ARAP3: variants seen among roughly 807,000 people sequenced by gnomAD.
ARAP3 encodes ArfGAP with RhoGAP domain, ankyrin repeat and PH domain 3.
In ARAP3, 82 loss-of-function variants were observed where a neutral mutation model predicts 169.2. That is an observed-to-expected ratio of 0.48 (90% CI 0.41 to 0.58). ARAP3 has a LOEUF of 0.58. Among genes scored for constraint, ARAP3 ranks in the 20% least tolerant of loss-of-function variants. ARAP3 has a pLI of 0.00. For missense variants in ARAP3, 1,764 were observed against 2,018.0 expected (o/e 0.87, Z 2.41); for synonymous variants, 791 against 800.3 (o/e 0.99, Z 0.20).
In ARAP3 at chr5:141,656,767, G is replaced by T; in HGVS notation, c.3606C>A (p.Ser1202=). The change falls in exon 26 of 33, where the codon TCC becomes TCA. Residue 1202 remains serine (S), a synonymous_variant. Coordinates refer to ENST00000239440, the MANE Select transcript of ARAP3 (RefSeq NM_022481.6). The part of the protein sequence containing the change: ...WCQLPEPCSA[S]LLLKKVPLAQ... ...CCAGGGGGACTTTTTTCAAGAGCAG[G>T]GAAGCTGAGCAGGGCTCTGGGAGCT... The T allele has an allele frequency of 6.2e-7, 1 of 1,612,168 alleles. No individual in the cohort carries two copies. Among genetic ancestry groups the T allele is most frequent in the Non-Finnish European group, 8.5e-7 (1 of 1,179,136 alleles).
chr5:141,659,440 C>A lies in ARAP3; in HGVS notation c.3304G>T (p.Val1102Phe). 1 of 1,614,228 alleles carries A rather than the reference C, an allele frequency of 6.2e-7. No individual in the cohort carries two copies. Among genetic ancestry groups the A allele is most frequent in the Non-Finnish European group, 8.5e-7 (1 of 1,180,044 alleles). ...TCCTTCCAGGTGGTGATAAGACTGA[C>A]CTCCAAGTCAATCTGAGCTACCTGG... ...SDQVAQIDLE[V>F]SLITTWKDVQ... is the part of the protein sequence containing the mutation. The change falls in exon 23 of 33, where the codon GTC becomes TTC. Residue 1102 changes from valine to phenylalanine, a missense_variant. By Grantham distance (50) the Val-to-Phe change is conservative (BLOSUM62 -1). Coordinates refer to ENST00000239440, the MANE Select transcript of ARAP3 (RefSeq NM_022481.6).
At chr5:141,668,029 C>G (rs888128305) in intron 16 of ARAP3, among the ~76,000 whole-genome samples, 2 of 151,558 alleles carry the variant, frequency 1.3e-5, no homozygotes, top group African/African-American at 4.8e-5. Flanking sequence ...GAGACAAGAG[C>G]GAAACTCCAT....
chr5:141,678,050 C>T (rs1470457271), intron 4 of ARAP3, among the ~76,000 whole-genome samples: 2 of 151,850 alleles, frequency 1.3e-5, no homozygotes, highest in Non-Finnish European at 2.9e-5. Context: ...CGGGTTCACG[C>T]CATTCTCTGC....
At chr5:141,667,565 C>T (rs961728255) in intron 16 of ARAP3, among the ~76,000 whole-genome samples, 6 of 151,024 alleles carry the variant, frequency 4.0e-5, no homozygotes, top group African/African-American at 1.5e-4. Context: ...TCCCGAGTAG[C>T]TGGGACTATA....
In ARAP3 at chr5:141,671,857, T is replaced by G. The variant is rs746343471; in HGVS notation, c.1671+38A>C. 7 of 1,613,960 alleles carry G rather than the reference T, an allele frequency of 4.3e-6. 1 individual carries two copies. In the South Asian group the frequency reaches 7.7e-5, roughly 18 times the overall value. On this transcript the variant is annotated intron_variant, in intron 11 of 32. Transcript: ENST00000239440. The surrounding 1 kb of genome is among the most constrained non-coding windows in gnomAD (Gnocchi z 4.9). ...CCAAGGCCTGCTTCTGGACGCTCCC[T>G]TCTACGCCTCCCACCTTCTCCCTCT... is the stretch of plus-strand genomic sequence containing the variant.
rs2099910028 is a variant in ARAP3 at position 141,661,914 on chromosome 5, C to T, written c.3014-125G>A. ...GTCTCTGCCCCCTTCCCACCTCCCC[C>T]TGAGCCAAGTCTCTGGATGATCCCC... On this transcript the variant is annotated intron_variant, in intron 20 of 32. Transcript: ENST00000239440. 5 of 1,498,450 alleles carry T rather than the reference C, an allele frequency of 3.3e-6. No individual in the cohort carries two copies. The East Asian group carries it at 1.1e-4, about 34-fold the overall frequency. The allele number at this position is 1,498,450 out of a possible 1,614,324, so 92.8% of individuals were successfully genotyped here.
Position 141,672,323 on chromosome 5 carries a change from C to T in ARAP3, c.1386-22G>A, listed in dbSNP as rs756482222. 2.0e-5 allele frequency: 32 copies of T among 1,613,526 alleles called. No homozygotes were observed. Among genetic ancestry groups the T allele is most frequent in the South Asian group, 1.1e-4 (10 of 91,040 alleles). On this transcript the variant is annotated intron_variant, in intron 9 of 32. Transcript: ENST00000239440. This position sits in a 1 kb window ranked among gnomAD's most constrained non-coding sequence, Gnocchi z 4.9. ...GAAGCTGAGGGGTGGACAGCCAGTC[C>T]ATGGGCATGGACCTACCTGCCATGT...
intron 19 of ARAP3, among the ~76,000 whole-genome samples, chr5:141,664,535 C>T (rs552560006): frequency 4.6e-5 from 7 of 152,294 alleles, no homozygotes; most frequent in East Asian, 3.9e-4. Context: ...GCTCTCACCT[C>T]GCAGCTGCTC....
rs374164732 is a variant in ARAP3, at chr5:141,655,926, C to G, written c.3915G>C (p.Leu1305Phe). 23 of 1,613,730 alleles carry G rather than the reference C, an allele frequency of 1.4e-5. No individual in the cohort carries two copies. The highest frequency in any genetic ancestry group is 1.9e-5 in the Non-Finnish European group (23 of 1,179,894). The change falls in exon 30 of 33, where the codon TTG (leucine) becomes TTC (phenylalanine). Residue 1305 changes from leucine to phenylalanine, a missense_variant. Around this residue, in one of 3 missense-constraint regions of ARAP3, gnomAD observed 1,112 missense variants for 1,285.7 expected, o/e 0.86. Transcript: ENST00000239440. ...ACATTTCATCCTCGTCAGTGCAGGA[C>G]AAGTAGCTGGGGTGATCAGAATGGA... ...TLILEKMHLY[L>F]SCTDEDEMWD...
intron 19 of ARAP3, among the ~76,000 whole-genome samples, chr5:141,664,473 C>G (rs983859172): frequency 3.3e-5 from 5 of 152,128 alleles, no homozygotes; most frequent in Non-Finnish European, 7.4e-5. Context: ...CAGAAAACCT[C>G]CCACACAGAA....
At chr5:141,679,163 C>A (rs1048812306) in intron 4 of ARAP3, among the ~76,000 whole-genome samples, 1 of 152,150 alleles carries the variant, frequency 6.6e-6, no homozygotes, top group African/African-American at 2.4e-5. Context: ...GTGGCACGCA[C>A]CTGTAATCCC....
chr5:141,679,458 C>T, intron 4 of ARAP3, 87 bp downstream of exon 4: 4 of 1,321,248 alleles, frequency 3.0e-6, no homozygotes, highest in Non-Finnish European at 4.3e-6. Context: ...GGTGAATACT[C>T]AATGCACATT....
At position 141,656,275 on chromosome 5, in the gene ARAP3, C is replaced by T; in HGVS notation, c.3791G>A (p.Ser1264Asn). 1 of 1,614,134 alleles carries T rather than the reference C, an allele frequency of 6.2e-7. No individual in the cohort carries two copies. The highest frequency in any genetic ancestry group is 8.5e-7 in the Non-Finnish European group (1 of 1,180,024). Residue 1264 changes from serine (S) to asparagine (N), a missense_variant and splice_region_variant, in exon 28 of 33, where the codon AGC becomes AAC. Transcript: ENST00000239440. Reference sequence around the variant, plus strand: ...AGGCCACTCCCGTTCTGGTTTAGAGCTCTGAGAACAGAAACAGAGTCAGCG... The same window carrying T: ...AGGCCACTCCCGTTCTGGTTTAGAGTTCTGAGAACAGAAACAGAGTCAGCG... ...RCLLLLKEKK[S>N]SKPEREWPLE...
intron 4 of ARAP3, among the ~76,000 whole-genome samples, chr5:141,678,731 G>A (rs900594925): frequency 2.0e-5 from 3 of 151,464 alleles, no homozygotes; most frequent in Non-Finnish European, 2.9e-5. Context: ...CAGGTGATCC[G>A]TCTGCCTCAG....
In ARAP3 at chr5:141,671,440, A is replaced by G. The variant is rs769834193; in HGVS notation, c.1855-40T>C. The G allele has an allele frequency of 3.1e-6, 5 of 1,595,202 alleles. No individual in the cohort carries two copies. The Admixed American group carries it at 6.8e-5, about 22-fold the overall frequency. ...GGGCCTCTGTCAGCCCCAAATCCCA[A>G]ACTGAGAGCACTGGGGACAGTCGTA... On this transcript the variant is annotated intron_variant, in intron 12 of 32. Transcript: ENST00000239440. The surrounding 1 kb of genome is among the most constrained non-coding windows in gnomAD (Gnocchi z 4.9).
In ARAP3 at chr5:141,679,960, C is replaced by A. The variant is rs574210659; in HGVS notation, c.524+3G>T. On this transcript the variant is annotated splice_donor_region_variant and intron_variant, in intron 2 of 32. Transcript: ENST00000239440. ...CAGTCCCTAGGGAGCCAACTCCACT[C>A]ACTTGTCCTGAGCTGCCTGTGCCCT... 2 of 1,614,092 alleles carry A rather than the reference C, an allele frequency of 1.2e-6. No individual in the cohort carries two copies. Among genetic ancestry groups the A allele is most frequent in the Admixed American group, 3.3e-5 (2 of 60,024 alleles).
In ARAP3 at chr5:141,653,777, C is replaced by T; in HGVS notation, c.*173G>A. On this transcript the variant is annotated 3_prime_UTR_variant, in exon 33 of 33. Transcript: ENST00000239440. ...AAATGGGCTGGGCCCAGAGAGGGGC[C>T]ATGACCTGTCCTGGGACACGCAGCC... 1 of 832,526 alleles carries T rather than the reference C, an allele frequency of 1.2e-6. No homozygotes were observed. The highest frequency in any genetic ancestry group is 1.7e-6 in the Non-Finnish European group (1 of 577,358). The allele number at this position is 832,526 out of a possible 1,614,324, so 51.6% of individuals were successfully genotyped here.
At position 141,665,043 on chromosome 5, in the gene ARAP3, T is replaced by A; in HGVS notation, c.2679A>T (p.Ala893=). ...LQGEGRLDFT[A]WNAAIGGAAG... is the part of the protein sequence containing the mutation. ...CCGCGCCCCCAATGGCTGCGTTCCA[T>A]GCCGTGAAGTCCAGCCGGCCCTCTC... The change falls in exon 19 of 33, where the codon GCA becomes GCT. Residue 893 remains alanine (A), a synonymous_variant. Coordinates refer to ENST00000239440, the MANE Select transcript of ARAP3 (RefSeq NM_022481.6). The A allele has an allele frequency of 6.2e-7, 1 of 1,613,896 alleles. No individual in the cohort carries two copies. Among genetic ancestry groups the A allele is most frequent in the Middle Eastern group, 1.7e-4 (1 of 6,052 alleles).
At chr5:141,677,097 T>C (rs548139099) in intron 4 of ARAP3, among the ~76,000 whole-genome samples, 70 of 152,184 alleles carry the variant, frequency 4.6e-4, no homozygotes, top group Non-Finnish European at 6.2e-4. Flanking sequence ...AACTTTTCAG[T>C]AGCCACGTTT....
Sources: allele counts gnomAD v4.1 joint callset (sites outside exome capture counted in the v4.1 genomes callset), GRCh38; gene constraint gnomAD v4.1.1; regional missense constraint gnomAD v4.1.1; non-coding constraint Gnocchi (gnomAD v3.1); transcripts MANE v1.5; gene names NCBI Gene and HGNC (gene_info 2026-07-23, HGNC 2026-07-21).